Variants in NCALD observed in about 807,000 individuals in gnomAD.
The protein encoded by NCALD is neurocalcin-delta.
In NCALD, 10 loss-of-function variants were observed where a neutral mutation model predicts 18.6. The ratio of observed to expected loss-of-function variants is 0.54; its 90% CI spans 0.33 to 0.91. The LOEUF (loss-of-function observed/expected upper bound fraction) is 0.91. Among genes scored for constraint, NCALD ranks in the 40% least tolerant of loss-of-function variants. The pLI is 0.03. For synonymous variants in NCALD, 88 were observed against 87.4 expected, an observed-to-expected ratio of 1.01 and a Z score of -0.04; for missense variants, 184 against 247.6, an observed-to-expected ratio of 0.74 and a Z score of 1.72.
At chr8:101,873,949 G>A (rs941399682) in intron 4 of NCALD, among the ~76,000 whole-genome samples, 4 of 152,216 alleles carry the variant, frequency 2.6e-5, no homozygotes, top group African/African-American at 9.7e-5. Context: ...TTCTTTCAGT[G>A]TGGAGGCTAA....
chr8:102,027,777 G>A (rs999682380), intron 1 of NCALD, among the ~76,000 whole-genome samples: 2 of 152,160 alleles, frequency 1.3e-5, no homozygotes, highest in African/African-American at 4.8e-5. Flanking sequence ...GCAGGGCTGG[G>A]GAGGACTCAG....
intron 1 of NCALD, among the ~76,000 whole-genome samples, chr8:101,731,099 T>C (rs1250229273): frequency 6.6e-6 from 1 of 151,688 alleles, no homozygotes; most frequent in South Asian, 2.1e-4. Context: ...CAGGGCACCA[T>C]GGAGGTAAGT....
At chr8:101,833,232 T>C (rs899715662) in intron 4 of NCALD, among the ~76,000 whole-genome samples, 3 of 152,182 alleles carry the variant, frequency 2.0e-5, no homozygotes, top group Admixed American at 6.5e-5. Flanking sequence ...CAGATTCTTA[T>C]TCAATAGATT....
At chr8:101,801,330 T>C (rs1812842376) in intron 4 of NCALD, among the ~76,000 whole-genome samples, 1 of 152,136 alleles carries the variant, frequency 6.6e-6, no homozygotes, top group Non-Finnish European at 1.5e-5. Flanking sequence ...TAGATTTAAA[T>C]TACAAAATTA....
intron 1 of NCALD, among the ~76,000 whole-genome samples, chr8:102,077,483 A>T (rs1824386086): frequency 6.6e-6 from 1 of 152,250 alleles, no homozygotes; most frequent in African/African-American, 2.4e-5. Flanking sequence ...ACTAATAAAA[A>T]GTCTGTAAAA....
rs1324478301 is a variant in NCALD, at chr8:101,983,555, TC to T, written c.-157+36681del. ...AACTTAGGCCTCCATGATGAGCTTGTCTTTGTGAAACAAACATTAACTAACC... is the reference window on the plus strand; with the variant it reads ...AACTTAGGCCTCCATGATGAGCTTGTTTTGTGAAACAAACATTAACTAACC... On this transcript the variant is annotated intron_variant, in intron 2 of 6. Coordinates refer to the NCALD transcript ENST00000311028. Among the ~76,000 whole-genome samples the T allele has an allele frequency of 2.0e-5, 3 of 152,348 alleles. No homozygotes were observed. In the East Asian group the frequency reaches 5.8e-4, roughly 29 times the overall value.
intron 4 of NCALD, among the ~76,000 whole-genome samples, chr8:101,886,725 T>C (rs1410099556): frequency 6.6e-6 from 1 of 152,218 alleles, no homozygotes; most frequent in Non-Finnish European, 1.5e-5. Context: ...CCCCTCTACT[T>C]GCTGCATAAT....
At chr8:101,923,910 T>A (rs756531124) in intron 2 of NCALD, among the ~76,000 whole-genome samples, 19 of 152,200 alleles carry the variant, frequency 1.2e-4, no homozygotes, top group South Asian at 2.1e-4. Flanking sequence ...ATTAGAAAGA[T>A]AGTTTCTTTT....
At chr8:101,784,808 AT>A (rs1214409410) in intron 1 of NCALD, among the ~76,000 whole-genome samples, 1 of 152,096 alleles carries the variant, frequency 6.6e-6, no homozygotes, top group Non-Finnish European at 1.5e-5. Context: ...CTAAAAAAAA[AT>A]TTTTTTAATG....
chr8:101,762,018 A>C (rs1811132121), intron 1 of NCALD, among the ~76,000 whole-genome samples: 1 of 152,240 alleles, frequency 6.6e-6, no homozygotes, highest in Admixed American at 6.5e-5. Context: ...CCTTGGGAGC[A>C]TAAGGGCAAT....
intron 4 of NCALD, among the ~76,000 whole-genome samples, chr8:101,815,636 C>G (rs1381291837): frequency 6.6e-6 from 1 of 152,102 alleles, no homozygotes; most frequent in African/African-American, 2.4e-5. Flanking sequence ...AAATATGGAA[C>G]ACTGACATCA....
At chr8:101,894,981 G>C (rs1464506627) in intron 3 of NCALD, among the ~76,000 whole-genome samples, 1 of 150,698 alleles carries the variant, frequency 6.6e-6, no homozygotes, top group Non-Finnish European at 1.5e-5. Flanking sequence ...CCAATCAATA[G>C]AAAAAGAGGG....
At chr8:101,908,897 A>T (rs748390833) in intron 3 of NCALD, among the ~76,000 whole-genome samples, 4 of 152,204 alleles carry the variant, frequency 2.6e-5, no homozygotes, top group African/African-American at 7.2e-5. Context: ...GACCAAATCA[A>T]AATGGAGTCA....
At chr8:102,018,459 CA>C (rs60874950) in intron 2 of NCALD, among the ~76,000 whole-genome samples, 8 of 151,602 alleles carry the variant, frequency 5.3e-5, no homozygotes, top group East Asian at 1.9e-4. Flanking sequence ...GGATGAATCT[CA>C]AAAAAAATGC....
chr8:102,031,327 C>T (rs993270976), intron 1 of NCALD, among the ~76,000 whole-genome samples: 3 of 152,134 alleles, frequency 2.0e-5, no homozygotes, highest in African/African-American at 4.8e-5. Context: ...GGTATACCAA[C>T]GTTCATTAAA....
chr8:102,083,622 T>TC (rs1824632680), intron 1 of NCALD, among the ~76,000 whole-genome samples: 1 of 152,190 alleles, frequency 6.6e-6, no homozygotes, highest in African/African-American at 2.4e-5. Context: ...TCCATCCCTA[T>TC]CCCCTCCCAG....
chr8:101,865,297 A>C (rs552059262), intron 4 of NCALD, among the ~76,000 whole-genome samples: 1 of 152,246 alleles, frequency 6.6e-6, no homozygotes, highest in Admixed American at 6.5e-5. Flanking sequence ...TGTTTGTTGG[A>C]GTTTGAGGCA....
At chr8:101,792,177 A>C (rs988029838), upstream of NCALD, among the ~76,000 whole-genome samples, 1 of 152,168 alleles carries the variant, frequency 6.6e-6, no homozygotes, top group Non-Finnish European at 1.5e-5. Context: ...TGTTTCTTAA[A>C]ATAAATAAAT....
chr8:101,808,286 G>T (rs369995515), intron 4 of NCALD, among the ~76,000 whole-genome samples: 1 of 152,154 alleles, frequency 6.6e-6, no homozygotes, highest in African/African-American at 2.4e-5. Flanking sequence ...AAAATGTCAG[G>T]TCTTACAATT....
Sources: gnomAD v4.1 joint callset for allele counts (sites outside exome capture counted in the v4.1 genomes callset) on GRCh38, gnomAD v4.1.1 for gene constraint, MANE v1.5 for transcripts, NCBI Gene and HGNC (gene_info 2026-07-23, HGNC 2026-07-21) for gene names.